USP46: variants seen among roughly 807,000 people sequenced by gnomAD.
USP46 encodes ubiquitin carboxyl-terminal hydrolase 46.
In USP46, 12 loss-of-function variants were observed where a neutral mutation model predicts 44.4. The ratio of observed to expected loss-of-function variants is 0.27; its 90% confidence interval spans 0.17 to 0.44. The LOEUF is 0.44. USP46 is among the 20% of genes least tolerant of loss of function. The probability of loss-of-function intolerance (pLI) is 1.00; values close to 1 mark genes in which losing one functional copy is unlikely to be tolerated. For synonymous variants in USP46, 155 were observed against 161.5 expected (o/e 0.96, Z 0.31); for missense variants, 248 against 444.8 (o/e 0.56, Z 3.98).
chr4:52,649,880 C>A (rs1718689298), intron 1 of USP46, among the ~76,000 whole-genome samples: 1 of 152,192 alleles, frequency 6.6e-6, no homozygotes, highest in Non-Finnish European at 1.5e-5. Context: ...TCGGAATCAA[C>A]TGTGGCACTT....
intron 4 of USP46, among the ~76,000 whole-genome samples, chr4:52,613,443 GC>G (rs1340638264): frequency 1.3e-5 from 2 of 152,148 alleles, no homozygotes; most frequent in African/African-American, 4.8e-5. Context: ...ACAGAATCCG[GC>G]CGGGTGTGGT....
intron 1 of USP46, among the ~76,000 whole-genome samples, chr4:52,632,993 A>AGAAAAGAAAAG (rs1560406250): frequency 7.9e-5 from 9 of 113,312 alleles, no homozygotes; most frequent in Admixed American, 1.7e-4. Context: ...AGAAAAGAAA[A>AGAAAAGAAAAG]GAAAGAAAGA....
Position 52,595,656 on chromosome 4 carries a change from C to G in USP46, c.*1984G>C, listed in dbSNP as rs1716202526. The G allele has an allele frequency of 6.6e-6, 1 of 152,188 alleles. No individual in the cohort carries two copies. Among genetic ancestry groups the G allele is most frequent in the Admixed American group, 6.5e-5 (1 of 15,276 alleles). 9.4% of individuals were successfully genotyped at this position (152,188 alleles called of 1,614,324 possible). ...AAACATTACTTCTACAGCCTTCCAA[C>G]TGAAATATTTTTTCTAATAAATTAG... On this transcript the variant is annotated 3_prime_UTR_variant, in exon 9 of 9. Coordinates refer to ENST00000441222, the MANE Select transcript of USP46 (RefSeq NM_022832.4).
chr4:52,602,123 C>T, intron 6 of USP46, 69 bp from the exon 7 acceptor site: 1 of 1,506,648 alleles, frequency 6.6e-7, no homozygotes, highest in Non-Finnish European at 9.0e-7. Context: ...ACACTGTCAT[C>T]TGCACAAACA....
intron 1 of USP46, chr4:52,658,393 A>G: frequency 4.9e-6 from 2 of 405,600 alleles, no homozygotes; most frequent in Non-Finnish European, 1.0e-5. Context: ...CATGCCCGCC[A>G]GCCTCCCCTA....
At position 52,625,948 on chromosome 4, in the gene USP46, G is replaced by A. The variant is rs1323858386; in HGVS notation, c.561+70C>T. The A allele has an allele frequency of 4.3e-6, 6 of 1,384,830 alleles. No individual in the cohort carries two copies. The African/African-American group carries it at 8.7e-5, about 20-fold the overall frequency. The allele number at this position is 1,384,830 out of a possible 1,614,324, so 85.8% of individuals were successfully genotyped here. On this transcript the variant is annotated intron_variant, in intron 4 of 8. Transcript: ENST00000441222. ...CTGCTAAATGCTATAATACGACATT[G>A]CAATCACATGCAACATAGCGTACAT...
At chr4:52,623,721 T>A (rs1717468788) in intron 4 of USP46, among the ~76,000 whole-genome samples, 1 of 151,310 alleles carries the variant, frequency 6.6e-6, no homozygotes, top group Non-Finnish European at 1.5e-5. Context: ...AGGTCAGGAG[T>A]TCGAAACCAG....
chr4:52,619,206 C>A (rs962425372), intron 4 of USP46, among the ~76,000 whole-genome samples: 4 of 152,044 alleles, frequency 2.6e-5, no homozygotes, highest in African/African-American at 4.8e-5. Context: ...AATAGTCTCT[C>A]CAAGTCTATT....
At position 52,603,388 on chromosome 4, in the gene USP46, G is replaced by A. The variant is rs143292665; in HGVS notation, c.722+1113C>T. 3.9e-5 allele frequency among the ~76,000 whole-genome samples: 6 copies of A among 152,318 alleles called. No individual in the cohort carries two copies. The East Asian group carries it at 1.2e-3, about 29-fold the overall frequency. ...TTTTGCAGCAAAGAAAAGTGTACAT[G>A]TTTGGAGTGAACGCCTGGGAAGGCT... is the stretch of plus-strand genomic sequence containing the variant. On this transcript the variant is annotated intron_variant, in intron 6 of 8. Transcript: ENST00000441222.
At chr4:52,629,232 G>A (rs974089312) in intron 2 of USP46, among the ~76,000 whole-genome samples, 8 of 152,172 alleles carry the variant, frequency 5.3e-5, no homozygotes, top group African/African-American at 1.9e-4. Context: ...AAGATAGAAG[G>A]CTTCCTATTT....
intron 6 of USP46, 50 bp downstream of exon 6, chr4:52,604,451 G>T: frequency 6.7e-7 from 1 of 1,499,748 alleles, no homozygotes; most frequent in Non-Finnish European, 9.2e-7. Context: ...CCCCACAGTC[G>T]GGATCCTTCT....
rs1230226416 is a variant in USP46 at position 52,596,459 on chromosome 4, T to A, written c.*1181A>T. The stretch of plus-strand genomic sequence containing the variant: ...GTGAGATGAGGTTCTTCCAAAAAAA[T>A]TCTGTCTTGTCAAGCATTCTAGGAG... On this transcript the variant is annotated 3_prime_UTR_variant, in exon 9 of 9. Transcript: ENST00000441222. 1.3e-5 allele frequency: 2 copies of A among 152,146 alleles called. No homozygotes were observed. The highest frequency in any genetic ancestry group is 2.9e-5 in the Non-Finnish European group (2 of 68,020). The allele number at this position is 152,146 out of a possible 1,614,324, so 9.4% of individuals were successfully genotyped here. A position where few individuals can be genotyped will look rare whatever the true frequency, so the allele number is the denominator to read the frequency against.
At chr4:52,644,605 G>A (rs1718470257) in intron 1 of USP46, among the ~76,000 whole-genome samples, 1 of 152,050 alleles carries the variant, frequency 6.6e-6, no homozygotes, top group Non-Finnish European at 1.5e-5. Context: ...TCTAATGCCT[G>A]ATAATCTGAG....
At chr4:52,632,977 AAAG>A (rs1412927265) in intron 1 of USP46, among the ~76,000 whole-genome samples, 1,087 of 83,342 alleles carry the variant, frequency 0.013, 18 homozygotes, top group African/African-American at 0.025. Context: ...AGAAAGAAAG[AAAG>A]AAAGAAAAGA....
Position 52,592,919 on chromosome 4 carries a change from C to T in USP46, c.*4721G>A. Reference sequence around the variant, plus strand: ...GCTCCTGCCATGTAAGATGGGCTTGCTTTCCCTTTGCCTTCTGCTGATTGT... The same window carrying T: ...GCTCCTGCCATGTAAGATGGGCTTGTTTTCCCTTTGCCTTCTGCTGATTGT... On this transcript the variant is annotated 3_prime_UTR_variant, in exon 9 of 9. Coordinates refer to ENST00000441222, the MANE Select transcript of USP46 (RefSeq NM_022832.4). 1 of 398,596 alleles carries T rather than the reference C, an allele frequency of 2.5e-6. No individual in the cohort carries two copies. The highest frequency in any genetic ancestry group is 4.4e-6 in the Non-Finnish European group (1 of 226,176). The allele number at this position is 398,596 out of a possible 1,614,324, so 24.7% of individuals were successfully genotyped here.
intron 1 of USP46, among the ~76,000 whole-genome samples, chr4:52,648,313 C>A (rs1367801804): frequency 6.6e-6 from 1 of 152,174 alleles, no homozygotes; most frequent in Non-Finnish European, 1.5e-5. Flanking sequence ...AACTATGGGC[C>A]ATGAATCCTG....
chr4:52,643,192 C>T (rs1718417660), intron 1 of USP46, among the ~76,000 whole-genome samples: 2 of 152,204 alleles, frequency 1.3e-5, no homozygotes, highest in South Asian at 2.1e-4. Context: ...TGCCTCTCCT[C>T]ATCATTTGGT....
rs17051623 is a variant in USP46 at position 52,622,462 on chromosome 4, T to C, written c.561+3556A>G. On this transcript the variant is annotated intron_variant, in intron 4 of 8. Coordinates refer to ENST00000441222, the MANE Select transcript of USP46 (RefSeq NM_022832.4). ...AATCAAAATCTTTTCCCATAGCATATAGTTTTCTTCTTCAAGAAACATGAC... is the reference window on the plus strand; with the variant it reads ...AATCAAAATCTTTTCCCATAGCATACAGTTTTCTTCTTCAAGAAACATGAC... Among the ~76,000 whole-genome samples the C allele has an allele frequency of 8.2e-3, 1,254 of 152,332 alleles. 17 individuals are homozygous for C. Among genetic ancestry groups the C allele is most frequent in the African/African-American group, 0.029 (1,201 of 41,578 alleles).
chr4:52,644,597 T>C (rs73248672), intron 1 of USP46, among the ~76,000 whole-genome samples: 20,082 of 152,014 alleles, frequency 0.13, 1,370 homozygotes, highest in African/African-American at 0.18. Context: ...TCTGAGAGTC[T>C]AATGCCTGAT....
Sources: gnomAD v4.1 joint callset for allele counts (sites outside exome capture counted in the v4.1 genomes callset) on GRCh38, gnomAD v4.1.1 for gene constraint, MANE v1.5 for transcripts, NCBI Gene and HGNC (gene_info 2026-07-23, HGNC 2026-07-21) for gene names.